Variants in TMEM65 observed in about 807,000 individuals in gnomAD.
The protein encoded by TMEM65 is transmembrane protein 65.
Under a neutral mutation model 25.4 loss-of-function variants are expected in TMEM65, and 22 were observed. That is an observed-to-expected ratio of 0.86 (90% CI 0.62 to 1.23). The LOEUF is 1.23. TMEM65 is among the 50% of genes most tolerant of loss of function. The probability of loss-of-function intolerance (pLI) is 0.00; values close to 1 mark genes in which losing one functional copy is unlikely to be tolerated. For missense variants in TMEM65, 262 were observed against 308.2 expected, an observed-to-expected ratio of 0.85 and a Z score of 1.12; for synonymous variants, 132 against 126.2, an observed-to-expected ratio of 1.05 and a Z score of -0.31.
chr8:124,328,312 G>A (rs1282112453), intron 2 of TMEM65, among the ~76,000 whole-genome samples: 1 of 151,758 alleles, frequency 6.6e-6, no homozygotes, highest in Admixed American at 6.6e-5. Flanking sequence ...GCTGAGGCAG[G>A]AGAATCACTT....
At chr8:124,328,684 G>A (rs1166093035) in intron 2 of TMEM65, among the ~76,000 whole-genome samples, 1 of 151,976 alleles carries the variant, frequency 6.6e-6, no homozygotes, top group East Asian at 1.9e-4. Flanking sequence ...GTGAACATCC[G>A]TTCAACTGAG....
chr8:124,329,067 T>C (rs542432149), intron 2 of TMEM65, among the ~76,000 whole-genome samples: 8 of 151,854 alleles, frequency 5.3e-5, no homozygotes, highest in Non-Finnish European at 1.0e-4. Flanking sequence ...AATAGGTCAT[T>C]TAAAATTTCG....
intron 1 of TMEM65, among the ~76,000 whole-genome samples, chr8:124,348,550 T>TA (rs550061313): frequency 5.9e-5 from 9 of 152,150 alleles, no homozygotes; most frequent in Non-Finnish European, 1.3e-4. Context: ...ATTTTTAGTT[T>TA]AAAAAATCAT....
At chr8:124,350,992 T>C (rs920930242) in intron 1 of TMEM65, 2 of 985,174 alleles carry the variant, frequency 2.0e-6, no homozygotes, top group Non-Finnish European at 2.4e-6. Context: ...TTCCATCAAA[T>C]AGATGCTTCA....
intron 5 of TMEM65, among the ~76,000 whole-genome samples, chr8:124,321,706 G>C (rs1425587846): frequency 6.6e-6 from 1 of 152,112 alleles, no homozygotes; most frequent in Non-Finnish European, 1.5e-5. Context: ...AATAATGAGA[G>C]AGGTTCTTCC....
rs72711163 is a variant in TMEM65 at position 124,321,606 on chromosome 8, T to C, written c.515+499A>G. Reference sequence around the variant, plus strand: ...CTTTGGCCATTATTTCCTTTGAAAGTTCCCCCCTCTAGAAAACATGTCTAG... The same window carrying C: ...CTTTGGCCATTATTTCCTTTGAAAGCTCCCCCCTCTAGAAAACATGTCTAG... On this transcript the variant is annotated intron_variant, in intron 5 of 6. Transcript: ENST00000297632. Among the ~76,000 whole-genome samples the C allele has an allele frequency of 9.1e-4, 139 of 152,282 alleles. 1 individual carries two copies. The highest frequency in any genetic ancestry group is 2.6e-3 in the African/African-American group (107 of 41,576).
Position 124,350,877 on chromosome 8 carries a change from C to T in TMEM65, c.305-20085G>A, listed in dbSNP as rs183969232. The T allele has an allele frequency of 4.2e-3, 1,809 of 431,942 alleles. 5 individuals are homozygous for T. The highest frequency in any genetic ancestry group is 7.1e-3 in the Admixed American group (110 of 15,540). The allele number at this position is 431,942 out of a possible 1,614,324, so 26.8% of individuals were successfully genotyped here. On this transcript the variant is annotated intron_variant, in intron 1 of 6. Transcript: ENST00000297632. ...TTTTCTTAAAGTTATAAAATTTAAT[C>T]CTTCAGTTAGTTGAGCATGCAGTTA...
rs564282670 is a variant in TMEM65, at chr8:124,311,257, T to C, written c.*2703A>G. On this transcript the variant is annotated 3_prime_UTR_variant, in exon 7 of 7. Transcript: ENST00000297632. The stretch of plus-strand genomic sequence containing the variant: ...GGAGGTGGTAAATTGTTCCATTCAC[T>C]ATCTCAGTGACATTGCTGCCACCTT... The C allele has an allele frequency of 5.9e-5, 9 of 152,480 alleles. No individual in the cohort carries two copies. The highest frequency in any genetic ancestry group is 1.9e-4 in the African/African-American group (8 of 41,456). 9.4% of individuals were successfully genotyped at this position (152,480 alleles called of 1,614,324 possible).
chr8:124,311,643 T>C lies in TMEM65; in HGVS notation c.*2317A>G, dbSNP rs1814162426. On this transcript the variant is annotated 3_prime_UTR_variant, in exon 7 of 7. Transcript: ENST00000297632. ...CCAGTTTCAACCTAAATTAAAGTTATTTGTGGCAAGTAACATGAAACAATG... is the reference window on the plus strand; with the variant it reads ...CCAGTTTCAACCTAAATTAAAGTTACTTGTGGCAAGTAACATGAAACAATG... 5 of 152,344 alleles carry C rather than the reference T, an allele frequency of 3.3e-5. No homozygotes were observed. Among genetic ancestry groups the C allele is most frequent in the Admixed American group, 3.3e-4 (5 of 15,272 alleles). The allele number at this position is 152,344 out of a possible 1,614,324, so 9.4% of individuals were successfully genotyped here.
chr8:124,321,036 A>G (rs1814298229), intron 5 of TMEM65, among the ~76,000 whole-genome samples: 1 of 152,198 alleles, frequency 6.6e-6, no homozygotes, highest in South Asian at 2.1e-4. Context: ...AAGCTATACA[A>G]TGACTGTAAT....
intron 6 of TMEM65, among the ~76,000 whole-genome samples, chr8:124,318,200 G>T (rs1332714203): frequency 6.6e-6 from 1 of 151,874 alleles, no homozygotes; most frequent in Non-Finnish European, 1.5e-5. Context: ...ACCTGGGTGA[G>T]CCTGGAAGTG....
intron 1 of TMEM65, among the ~76,000 whole-genome samples, chr8:124,364,358 G>T (rs1814911419): frequency 6.6e-6 from 1 of 152,146 alleles, no homozygotes; most frequent in South Asian, 2.1e-4. Context: ...AAGTCTGAGA[G>T]CACTGAGGAG....
At chr8:124,322,627 C>G (rs74326912) in intron 4 of TMEM65, among the ~76,000 whole-genome samples, 7,261 of 151,840 alleles carry the variant, frequency 0.048, 581 homozygotes, top group African/African-American at 0.17. Context: ...ATGTTTAATC[C>G]TGTATTTCCT....
chr8:124,350,866 T>C (rs904785545), intron 1 of TMEM65: 9 of 379,804 alleles, frequency 2.4e-5, no homozygotes, highest in Non-Finnish European at 3.3e-5. Context: ...CTTAAAGTTA[T>C]AAAATTTAAT....
intron 1 of TMEM65, among the ~76,000 whole-genome samples, chr8:124,339,079 C>T (rs927245095): frequency 7.3e-5 from 11 of 149,870 alleles, no homozygotes; most frequent in African/African-American, 2.7e-4. Flanking sequence ...GTCCCAGCTA[C>T]TCAGGAGGCT....
rs1814098949 is a variant in TMEM65 at position 124,306,994 on chromosome 8, G to A, written c.*6966C>T. ...TTTATCAAAACTTAACGCATACACA[G>A]ACTATACATTGGAGCCATTTGCAGT... On this transcript the variant is annotated 3_prime_UTR_variant, in exon 7 of 7. Coordinates refer to ENST00000297632, the MANE Select transcript of TMEM65 (RefSeq NM_194291.3). The A allele has an allele frequency of 6.6e-6, 1 of 151,864 alleles. No individual in the cohort carries two copies. Among genetic ancestry groups the A allele is most frequent in the Non-Finnish European group, 1.5e-5 (1 of 68,032 alleles). 9.4% of individuals were successfully genotyped at this position (151,864 alleles called of 1,614,324 possible).
Position 124,366,427 on chromosome 8 carries a change from G to A in TMEM65, c.304+5427C>T, listed in dbSNP as rs76082110. Among the ~76,000 whole-genome samples, 772 of 152,230 alleles carry A rather than the reference G, an allele frequency of 5.1e-3. 2 individuals are homozygous for A. The highest frequency in any genetic ancestry group is 7.9e-3 in the Non-Finnish European group (537 of 68,012). On this transcript the variant is annotated intron_variant, in intron 1 of 6. Coordinates refer to ENST00000297632, the MANE Select transcript of TMEM65 (RefSeq NM_194291.3). ...AAAGTACCAGACACATAAACAAACC[G>A]ATGTTGGACCTTCTGACCAGACCAT...
chr8:124,348,789 A>G (rs1318147157), intron 1 of TMEM65, among the ~76,000 whole-genome samples: 7 of 152,188 alleles, frequency 4.6e-5, no homozygotes, highest in African/African-American at 7.2e-5. Context: ...CTTTCACAGA[A>G]TGTTGAAGCT....
chr8:124,322,728 T>G (rs1339427188), intron 4 of TMEM65, among the ~76,000 whole-genome samples: 1 of 152,028 alleles, frequency 6.6e-6, no homozygotes, highest in East Asian at 1.9e-4. Flanking sequence ...CTGGGCGTGG[T>G]GGCTCACATC....
Sources: allele counts gnomAD v4.1 joint callset (sites outside exome capture counted in the v4.1 genomes callset), GRCh38; gene constraint gnomAD v4.1.1; transcripts MANE v1.5; gene names NCBI Gene and HGNC (gene_info 2026-07-23, HGNC 2026-07-21).